The following GPHN variants were observed in gnomAD, a reference collection of about 807,000 sequenced individuals.
GPHN encodes gephyrin.
GPHN carries 17 observed loss-of-function variants against 95.5 expected under a neutral mutation model. The observed-to-expected ratio is 0.18, with a 90% CI of 0.12 to 0.27. The LOEUF (loss-of-function observed/expected upper bound fraction) is 0.27. Among genes scored for constraint, GPHN ranks in the 10% least tolerant of loss-of-function variants. The pLI, the probability that GPHN is intolerant of heterozygous loss-of-function variation, is 1.00. For synonymous variants in GPHN, 320 were observed against 322.5 expected, an observed-to-expected ratio of 0.99 and a Z score of 0.08; for missense variants, 660 against 978.1, an observed-to-expected ratio of 0.67 and a Z score of 4.34.
the GPHN span, among the ~76,000 whole-genome samples, chr14:67,478,330 A>G: frequency 6.6e-6 from 1 of 152,234 alleles, no homozygotes; most frequent in East Asian, 1.9e-4. Context: ...CAAGTCAGCT[A>G]CTAACTCCCA....
chr14:66,681,027 A>T, intron 1 of GPHN, 80 bp from the exon 2 acceptor site: 1 of 814,744 alleles, frequency 1.2e-6, no homozygotes, highest in South Asian at 1.5e-5. Context: ...TTTCATTTCA[A>T]AATGTCTTTT....
the GPHN span, among the ~76,000 whole-genome samples, chr14:67,733,153 A>T: frequency 6.6e-6 from 1 of 152,012 alleles, no homozygotes; most frequent in South Asian, 2.1e-4. Flanking sequence ...AAAAAAAAAC[A>T]TGATGAGAAC....
intron 14 of GPHN, 50 bp from the exon 15 acceptor site, chr14:67,111,811 C>A: frequency 1.4e-6 from 2 of 1,397,290 alleles, no homozygotes; most frequent in Non-Finnish European, 2.0e-6. Context: ...TAACTAAATT[C>A]TACTGCTCAG....
chr14:67,123,183 A>G (rs1437874071), intron 17 of GPHN, among the ~76,000 whole-genome samples: 1 of 152,244 alleles, frequency 6.6e-6, no homozygotes, highest in Non-Finnish European at 1.5e-5. Context: ...TCTATCACCC[A>G]TAATCCCCTT....
chr14:66,586,863 A>T (rs2061442295), intron 1 of GPHN, among the ~76,000 whole-genome samples: 1 of 152,190 alleles, frequency 6.6e-6, no homozygotes, highest in African/African-American at 2.4e-5. Flanking sequence ...ACAACAATAT[A>T]AATCCCTAGT....
At chr14:67,586,168 T>G in the GPHN span, 1 of 1,541,966 alleles carries the variant, frequency 6.5e-7, no homozygotes, top group Non-Finnish European at 8.9e-7. Context: ...GAAAGGAAAC[T>G]GGGGTTATGC....
At chr14:67,320,389 C>T in the GPHN span, 2 of 1,601,816 alleles carry the variant, frequency 1.2e-6, no homozygotes, top group African/African-American at 1.3e-5. Context: ...TTTGCATCTG[C>T]AGTTCCTCGT....
the GPHN span, among the ~76,000 whole-genome samples, chr14:67,186,852 C>A: frequency 6.6e-6 from 1 of 152,154 alleles, no homozygotes; most frequent in Non-Finnish European, 1.5e-5. Context: ...GCAGAGTATG[C>A]CGTGGTGCAT....
chr14:66,621,514 C>G (rs1315702362), intron 1 of GPHN, among the ~76,000 whole-genome samples: 1 of 151,644 alleles, frequency 6.6e-6, no homozygotes, highest in South Asian at 2.1e-4. Flanking sequence ...CAGCTCCACC[C>G]CCTGGGTTCA....
At chr14:66,699,412 A>G (rs1049979072) in intron 2 of GPHN, among the ~76,000 whole-genome samples, 3 of 152,128 alleles carry the variant, frequency 2.0e-5, no homozygotes, top group East Asian at 1.9e-4. Context: ...AAGTGATGAT[A>G]ATATTATATT....
At chr14:67,534,903 G>T in the GPHN span, among the ~76,000 whole-genome samples, 1 of 152,188 alleles carries the variant, frequency 6.6e-6, no homozygotes, top group African/African-American at 2.4e-5. Flanking sequence ...ATGAAATGGT[G>T]TACATCATTG....
the GPHN span, among the ~76,000 whole-genome samples, chr14:67,485,119 T>C: frequency 1.3e-5 from 2 of 152,238 alleles, no homozygotes; most frequent in African/African-American, 2.4e-5. Context: ...TTCCTAATAA[T>C]ATATCTTAAT....
chr14:66,721,616 G>GAACT (rs1212050390), intron 2 of GPHN, among the ~76,000 whole-genome samples: 2 of 152,048 alleles, frequency 1.3e-5, no homozygotes, highest in Admixed American at 1.3e-4. Flanking sequence ...AACCCTCTGG[G>GAACT]AACTCTCAAT....
At chr14:67,406,670 G>C in the GPHN span, among the ~76,000 whole-genome samples, 1 of 152,322 alleles carries the variant, frequency 6.6e-6, no homozygotes, top group South Asian at 2.1e-4. Context: ...CAGCAGAACA[G>C]AATAGCCAAA....
At chr14:67,561,918 T>C in the GPHN span, 3 of 1,400,998 alleles carry the variant, frequency 2.1e-6, no homozygotes, top group Non-Finnish European at 3.0e-6. Flanking sequence ...ACCTGTAGGC[T>C]GGGTGTCCTA....
chr14:67,156,849 A>T (rs533001935), intron 18 of GPHN, among the ~76,000 whole-genome samples: 1 of 152,144 alleles, frequency 6.6e-6, no homozygotes, highest in Admixed American at 6.5e-5. Context: ...ATGTGCCTGT[A>T]GTCCCAGCTA....
intron 1 of GPHN, among the ~76,000 whole-genome samples, chr14:66,569,687 T>C (rs915963312): frequency 2.6e-5 from 4 of 151,008 alleles, no homozygotes; most frequent in African/African-American, 7.4e-5. Context: ...AATTTTTGTT[T>C]GACAAAATTG....
At chr14:66,670,640 A>G (rs946024271) in intron 1 of GPHN, among the ~76,000 whole-genome samples, 2 of 152,092 alleles carry the variant, frequency 1.3e-5, no homozygotes, top group Non-Finnish European at 2.9e-5. Context: ...AATACAAAAA[A>G]ATTTAGCTGG....
intron 9 of GPHN, among the ~76,000 whole-genome samples, chr14:67,022,980 A>G (rs929486522): frequency 2.6e-5 from 4 of 152,014 alleles, no homozygotes; most frequent in African/African-American, 9.7e-5. Flanking sequence ...GATAAATTCT[A>G]TATACACCTA....
Sources: gnomAD v4.1 joint callset for allele counts (sites outside exome capture counted in the v4.1 genomes callset) on GRCh38, gnomAD v4.1.1 for gene constraint, MANE v1.5 for transcripts, NCBI Gene and HGNC (gene_info 2026-07-23, HGNC 2026-07-21) for gene names.